The following ERCC6 variants were observed in gnomAD, a reference collection of about 807,000 sequenced individuals.
The protein encoded by ERCC6 is ERCC excision repair 6, chromatin remodeling factor.
ERCC6 carries 116 observed loss-of-function variants against 158.7 expected under a neutral mutation model. The observed-to-expected ratio is 0.73, with a 90% confidence interval of 0.63 to 0.85. The LOEUF (loss-of-function observed/expected upper bound fraction) is 0.85. Among genes scored for constraint, ERCC6 ranks in the 40% least tolerant of loss-of-function variants. The probability of loss-of-function intolerance (pLI) is 0.00; values close to 1 mark genes in which losing one functional copy is unlikely to be tolerated. For missense variants in ERCC6, 1,698 were observed against 1,799.4 expected (o/e 0.94, Z 1.02); for synonymous variants, 678 against 659.3 (o/e 1.03, Z -0.43).
intron 10 of ERCC6, among the ~76,000 whole-genome samples, chr10:49,479,940 C>G (rs554432747): frequency 1.4e-4 from 21 of 152,320 alleles, no homozygotes; most frequent in African/African-American, 5.1e-4. Flanking sequence ...AAACAGACAA[C>G]TTGCTGAGCA....
intron 5 of ERCC6, among the ~76,000 whole-genome samples, chr10:49,521,801 C>T (rs917414753): frequency 1.3e-5 from 2 of 152,194 alleles, no homozygotes; most frequent in Non-Finnish European, 1.5e-5. Flanking sequence ...TGAAGGAAAG[C>T]AGGATCCAAA....
intron 4 of ERCC6, among the ~76,000 whole-genome samples, chr10:49,526,182 G>A (rs1036946937): frequency 7.7e-6 from 1 of 129,802 alleles, no homozygotes; most frequent in Non-Finnish European, 1.6e-5. Flanking sequence ...CTAAGCTTTA[G>A]TAGACACTGT....
At chr10:49,525,771 A>G (rs1333653920) in intron 4 of ERCC6, among the ~76,000 whole-genome samples, 2 of 150,492 alleles carry the variant, frequency 1.3e-5, no homozygotes, top group Non-Finnish European at 2.9e-5. Flanking sequence ...ATCAACTAAC[A>G]GAATTACTAG....
intron 11 of ERCC6, among the ~76,000 whole-genome samples, chr10:49,477,572 C>T (rs1850900762): frequency 6.6e-6 from 1 of 152,148 alleles, no homozygotes. Flanking sequence ...GGGTCCTTTC[C>T]AGGTCACCCT....
Position 49,515,641 on chromosome 10 carries a change from C to T in ERCC6, c.1397+8392G>A, listed in dbSNP as rs774975920. On this transcript the variant is annotated intron_variant, in intron 5 of 20. Transcript: ENST00000355832. ...TGCCAAGCATTTTGTAAGACCAGTT[C>T]GAAACAGAACAAAAGAGGGCTTGAA... 1.7e-4 allele frequency: 269 copies of T among 1,613,890 alleles called. No individual in the cohort carries two copies. The highest frequency in any genetic ancestry group is 2.1e-4 in the Non-Finnish European group (243 of 1,180,010).
At chr10:49,451,455 T>C (rs755014559), downstream of ERCC6, among the ~76,000 whole-genome samples, 2 of 152,170 alleles carry the variant, frequency 1.3e-5, no homozygotes, top group Non-Finnish European at 1.5e-5. Context: ...GTAGTTTCCT[T>C]CCGTTCCTCG....
rs1411748395 is a variant in ERCC6, at chr10:49,474,067, T to A, written c.2558A>T (p.Lys853Met). ...VVESLLKIWH[K>M]QGQRVLLFSQ... Reference sequence around the variant, plus strand: ...AAACAGCAATACTCGCTGACCCTGCTTGTGCCATATTTTCAACAAAGACTC... The same window carrying A: ...AAACAGCAATACTCGCTGACCCTGCATGTGCCATATTTTCAACAAAGACTC... Residue 853 changes from lysine to methionine, a missense_variant, in exon 13 of 21, where the codon AAG (lysine) becomes ATG (methionine). Lys to Met is a moderately conservative substitution (Grantham distance 95). Transcript: ENST00000355832. The A allele has an allele frequency of 2.5e-6, 4 of 1,614,144 alleles. No homozygotes were observed. The highest frequency in any genetic ancestry group is 3.4e-6 in the Non-Finnish European group (4 of 1,180,030).
rs1038701078 is a variant in ERCC6, at chr10:49,454,689, T to G, written c.*4126A>C. ...AAAAGATATTTCAATGTTAGAAAAT[T>G]TAACTGTGTACTTTACTACACCAAG... On this transcript the variant is annotated 3_prime_UTR_variant, in exon 21 of 21. Transcript: ENST00000355832. Among the ~76,000 whole-genome samples the G allele has an allele frequency of 1.3e-5, 2 of 151,890 alleles. No individual in the cohort carries two copies. The highest frequency in any genetic ancestry group is 2.9e-5 in the Non-Finnish European group (2 of 68,034).
intron 5 of ERCC6, among the ~76,000 whole-genome samples, chr10:49,507,052 G>C (rs949244016): frequency 1.3e-5 from 2 of 152,160 alleles, no homozygotes; most frequent in African/African-American, 4.8e-5. Context: ...ATGTCCGAGG[G>C]AAGGCAAGAG....
At chr10:49,509,871 C>T (rs868717155) in intron 5 of ERCC6, among the ~76,000 whole-genome samples, 2 of 152,138 alleles carry the variant, frequency 1.3e-5, no homozygotes, top group African/African-American at 4.8e-5. Context: ...AATCCACACA[C>T]GTAATAGTCA....
In ERCC6 at chr10:49,459,036, TGGGCAGCA is replaced by T. The variant is rs1564724754; in HGVS notation, c.4253_4260del (p.Leu1418HisfsTer6). On this transcript the variant is annotated frameshift_variant, in exon 21 of 21. Coordinates refer to ENST00000355832, the MANE Select transcript of ERCC6 (RefSeq NM_000124.4). LOFTEE classifies it high-confidence loss of function. ...ACCAGAAGGTCATCGTGTTCTGTGG[TGGGCAGCA>T]GGGCAGAAGCTTCCTGCAGGTGCCC... 6.2e-7 allele frequency: 1 copy of T among 1,614,190 alleles called. No homozygotes were observed. The highest frequency in any genetic ancestry group is 8.5e-7 in the Non-Finnish European group (1 of 1,180,028).
Position 49,461,433 on chromosome 10 carries a change from C to A in ERCC6, c.3902G>T (p.Arg1301Leu). Residue 1301 changes from arginine to leucine, a missense_variant, in exon 19 of 21, where the codon CGT becomes CTT. Arg to Leu is a moderately radical substitution (Grantham distance 102). Coordinates refer to ENST00000355832, the MANE Select transcript of ERCC6 (RefSeq NM_000124.4). The stretch of plus-strand genomic sequence containing the variant: ...AGACACTGCTCCCAGACACCGCTGA[C>A]GAGAGAGCCTCAGTGCTTTCAGGGC... ...QDALKALRLS[R>L]QRCLGAVSGV... 6.2e-7 allele frequency: 1 copy of A among 1,614,200 alleles called. No homozygotes were observed. Among genetic ancestry groups the A allele is most frequent in the East Asian group, 2.2e-5 (1 of 44,876 alleles).
At chr10:49,505,352 T>C (rs897210534) in intron 6 of ERCC6, 2 of 152,966 alleles carry the variant, frequency 1.3e-5, no homozygotes, top group African/African-American at 4.8e-5. Context: ...GTTGCCCATA[T>C]CTTCTCTTTT....
chr10:49,521,887 C>T (rs559209312), intron 5 of ERCC6, among the ~76,000 whole-genome samples: 1 of 152,300 alleles, frequency 6.6e-6, no homozygotes, highest in Non-Finnish European at 1.5e-5. Flanking sequence ...TCAGCTAAAA[C>T]AAAGGCACCT....
At chr10:49,537,142 G>A (rs1256684623) in intron 1 of ERCC6, among the ~76,000 whole-genome samples, 5 of 152,046 alleles carry the variant, frequency 3.3e-5, no homozygotes, top group South Asian at 2.1e-4. Context: ...TCAGAAGTTC[G>A]AGACCAGCCT....
chr10:49,443,663 G>A, the ERCC6 span, among the ~76,000 whole-genome samples: 1 of 152,178 alleles, frequency 6.6e-6, no homozygotes, highest in African/African-American at 2.4e-5. Flanking sequence ...CTATAGGGGT[G>A]TACCATTTGC....
chr10:49,526,095 ATATTTATATATTTATATATT>A (rs1837316168), intron 4 of ERCC6, among the ~76,000 whole-genome samples: 4 of 102,932 alleles, frequency 3.9e-5, no homozygotes, highest in African/African-American at 1.2e-4. Flanking sequence ...TTATATTTAT[ATATTTATATATTTATATATT>A]TTTATATATA....
chr10:49,485,945 G>T (rs1334712768), intron 8 of ERCC6, among the ~76,000 whole-genome samples: 1 of 152,084 alleles, frequency 6.6e-6, no homozygotes, highest in African/African-American at 2.4e-5. Context: ...ACCCAAACCA[G>T]ACTGGCACTG....
Position 49,459,169 on chromosome 10 carries a change from A to G in ERCC6, c.4128T>C (p.Asp1376=), listed in dbSNP as rs1554873812. 1 of 1,614,218 alleles carries G rather than the reference A, an allele frequency of 6.2e-7. No homozygotes were observed. The highest frequency in any genetic ancestry group is 2.2e-5 in the East Asian group (1 of 44,886). ...CGAGGGGCCCGGATGAAGAGTCTGC[A>G]TCTTCTGCTCTTCCACTAAAATGCT... is the stretch of plus-strand genomic sequence containing the variant. ...VPEHFSGRAE[D]ADSSSGPLAS... The change falls in exon 21 of 21, where the codon GAT becomes GAC. Residue 1376 remains aspartate, a synonymous_variant. Transcript: ENST00000355832.
Sources: gnomAD v4.1 joint callset for allele counts (sites outside exome capture counted in the v4.1 genomes callset) on GRCh38, gnomAD v4.1.1 for gene constraint, MANE v1.5 for transcripts, NCBI Gene and HGNC (gene_info 2026-07-23, HGNC 2026-07-21) for gene names.